SEL1L2: variants seen among roughly 807,000 people sequenced by gnomAD.
SEL1L2 encodes protein sel-1 homolog 2.
In SEL1L2, 89 loss-of-function variants were observed where a neutral mutation model predicts 98.8. The observed-to-expected ratio is 0.90, with a 90% confidence interval of 0.76 to 1.07. SEL1L2 has a LOEUF of 1.07. Among genes scored for constraint, SEL1L2 ranks in the 50% least tolerant of loss-of-function variants. The pLI, the probability that SEL1L2 is intolerant of heterozygous loss-of-function variation, is 0.00. For synonymous variants in SEL1L2, 262 were observed against 278.5 expected (o/e 0.94, Z 0.59); for missense variants, 788 against 812.0 (o/e 0.97, Z 0.36).
intron 18 of SEL1L2, among the ~76,000 whole-genome samples, chr20:13,854,750 A>G (rs1186176576): frequency 6.6e-6 from 1 of 152,200 alleles, no homozygotes; most frequent in Non-Finnish European, 1.5e-5. Context: ...AGAAGTAGAT[A>G]TCTTTTAAAT....
chr20:13,899,906 C>T (rs970637803), intron 5 of SEL1L2, among the ~76,000 whole-genome samples: 4 of 152,214 alleles, frequency 2.6e-5, no homozygotes, highest in Admixed American at 2.0e-4. Flanking sequence ...CTTTTCAATT[C>T]GCTAAAATTT....
chr20:13,986,739 T>C (rs1051734172), intron 1 of SEL1L2, among the ~76,000 whole-genome samples: 1 of 152,374 alleles, frequency 6.6e-6, no homozygotes, highest in East Asian at 1.9e-4. Flanking sequence ...TCTGTGTGAA[T>C]ATTATGTTTT....
At chr20:13,888,103 G>C (rs559822598) in intron 6 of SEL1L2, 102 bp from the exon 7 acceptor site, 1 of 900,842 alleles carries the variant, frequency 1.1e-6, no homozygotes, top group East Asian at 2.5e-5. Flanking sequence ...GCTCCATAAT[G>C]ACCCATTGAG....
chr20:13,865,306 T>C (rs1348924274), intron 16 of SEL1L2, 43 bp downstream of exon 16: 2 of 1,585,698 alleles, frequency 1.3e-6, no homozygotes, highest in Non-Finnish European at 1.7e-6. Flanking sequence ...CATACATGCA[T>C]ATGTATGATT....
intron 2 of SEL1L2, among the ~76,000 whole-genome samples, chr20:13,954,416 CTT>C (rs1359034020): frequency 1.3e-5 from 2 of 152,054 alleles, no homozygotes; most frequent in African/African-American, 4.8e-5. Context: ...TGTTTGCAGA[CTT>C]TGGGCTTTTC....
upstream of SEL1L2, chr20:13,995,149 T>G (rs1485556821): frequency 1.3e-5 from 2 of 157,600 alleles, no homozygotes; most frequent in Admixed American, 1.3e-4. The surrounding 1 kb of genome is among the most constrained non-coding windows in gnomAD (Gnocchi z 4.3). Context: ...CGCCTGTCAC[T>G]TGGCGCACCT....
upstream of SEL1L2, among the ~76,000 whole-genome samples, chr20:13,994,237 A>G (rs547807138): frequency 2.8e-5 from 4 of 144,772 alleles, no homozygotes; most frequent in South Asian, 4.6e-4. Context: ...AAGAGGTTGC[A>G]GTGAGCTGAG....
intron 3 of SEL1L2, 122 bp downstream of exon 3, chr20:13,931,481 G>A (rs943642129): frequency 5.7e-6 from 3 of 529,762 alleles, no homozygotes; most frequent in Non-Finnish European, 8.6e-6. Flanking sequence ...AGAATTTAAT[G>A]CTTTTGTGTG....
chr20:13,861,163 T>C (rs1990070138), intron 17 of SEL1L2, among the ~76,000 whole-genome samples: 1 of 152,038 alleles, frequency 6.6e-6, no homozygotes, highest in Non-Finnish European at 1.5e-5. Flanking sequence ...GCCAGGATGA[T>C]CTTTTTTTTT....
At chr20:13,937,086 C>T (rs1479786683) in intron 2 of SEL1L2, among the ~76,000 whole-genome samples, 2 of 152,178 alleles carry the variant, frequency 1.3e-5, no homozygotes, top group Non-Finnish European at 2.9e-5. Context: ...CTTGTTTTTA[C>T]TTAAATAGTT....
chr20:13,922,916 C>A (rs1447958398), intron 3 of SEL1L2, among the ~76,000 whole-genome samples: 1 of 151,998 alleles, frequency 6.6e-6, no homozygotes, highest in Non-Finnish European at 1.5e-5. Flanking sequence ...AGGAAGGAAC[C>A]AAGCAAGTAT....
At chr20:13,919,688 G>A (rs1045804520) in intron 3 of SEL1L2, among the ~76,000 whole-genome samples, 39 of 152,268 alleles carry the variant, frequency 2.6e-4, no homozygotes, top group African/African-American at 9.4e-4. Flanking sequence ...GGAGGCCGAG[G>A]TGGGTGGATC....
intron 1 of SEL1L2, among the ~76,000 whole-genome samples, chr20:13,987,177 C>T (rs925380954): frequency 1.3e-5 from 2 of 152,156 alleles, no homozygotes; most frequent in South Asian, 4.2e-4. Flanking sequence ...TTGCACCAAC[C>T]TAATAAATCT....
At chr20:13,979,702 T>C (rs977133901) in intron 1 of SEL1L2, among the ~76,000 whole-genome samples, 1 of 152,284 alleles carries the variant, frequency 6.6e-6, no homozygotes, top group Admixed American at 6.5e-5. Context: ...AGTCACTTTG[T>C]CATTTCAAAA....
intron 2 of SEL1L2, among the ~76,000 whole-genome samples, chr20:13,947,473 C>T (rs114276673): frequency 4.5e-4 from 68 of 152,280 alleles, no homozygotes; most frequent in African/African-American, 1.6e-3. Flanking sequence ...GAAAGCTGTA[C>T]TGTCGCTCAA....
At chr20:13,941,543 A>C (rs1049382991) in intron 2 of SEL1L2, among the ~76,000 whole-genome samples, 2 of 152,212 alleles carry the variant, frequency 1.3e-5, no homozygotes, top group African/African-American at 2.4e-5. Flanking sequence ...GGGTAAGAGA[A>C]AGGACAAAGT....
chr20:13,917,786 C>CTTTTT lies in SEL1L2; in HGVS notation c.386+1230_386+1234dup, dbSNP rs5840588. 3.7e-3 allele frequency among the ~76,000 whole-genome samples: 184 copies of CTTTTT among 50,096 alleles called. 4 individuals are homozygous for CTTTTT. Among genetic ancestry groups the CTTTTT allele is most frequent in the African/African-American group, 5.8e-3 (64 of 11,026 alleles). 32.9% of individuals were successfully genotyped at this position (50,096 alleles called of 152,430 possible). A position where few individuals can be genotyped will look rare whatever the true frequency, so the allele number is the denominator to read the frequency against. On this transcript the variant is annotated intron_variant, in intron 4 of 19. Coordinates refer to ENST00000284951, the MANE Select transcript of SEL1L2 (RefSeq NM_025229.2). ...CCATACTTTCTTTATTTCTTTCTTTCTTTTTTTTTTTTTTTTTTTTTTTTT... is the reference window on the plus strand; with the variant it reads ...CCATACTTTCTTTATTTCTTTCTTTCTTTTTTTTTTTTTTTTTTTTTTTTTTTTTT...
chr20:13,913,704 G>T, intron 5 of SEL1L2, 78 bp downstream of exon 5: 1 of 1,279,848 alleles, frequency 7.8e-7, no homozygotes, highest in Non-Finnish European at 1.0e-6. Flanking sequence ...GAATACTATT[G>T]CTCAACTCCT....
At chr20:13,913,353 T>C (rs78661979) in intron 5 of SEL1L2, 2,301 of 153,298 alleles carry the variant, frequency 0.015, 59 homozygotes, top group African/African-American at 0.052. Flanking sequence ...GCAGTCCTAA[T>C]AGTAGTTGAA....
Sources: gnomAD v4.1 joint callset for allele counts (sites outside exome capture counted in the v4.1 genomes callset) on GRCh38, gnomAD v4.1.1 for gene constraint, Gnocchi (gnomAD v3.1) non-coding constraint, MANE v1.5 for transcripts, NCBI Gene and HGNC (gene_info 2026-07-23, HGNC 2026-07-21) for gene names.